SRP9: variants seen among roughly 807,000 people sequenced by gnomAD.
SRP9 encodes the protein signal recognition particle 9 kDa protein.
A neutral mutation model predicts 11.7 loss-of-function variants in SRP9; 2 were observed. That is an observed-to-expected ratio of 0.17 (90% CI 0.07 to 0.54). The LOEUF is 0.54. Ranked by LOEUF, SRP9 falls within the 20% of genes least tolerant of loss-of-function variation. The pLI, the probability that SRP9 is intolerant of heterozygous loss-of-function variation, is 0.94. For missense variants in SRP9, 54 were observed against 108.1 expected, an observed-to-expected ratio of 0.50 and a Z score of 2.22; for synonymous variants, 27 against 35.6, an observed-to-expected ratio of 0.76 and a Z score of 0.86.
chr1:225,778,058 T>G (rs769601740), intron 1 of SRP9, 46 bp downstream of exon 1: 16 of 1,605,496 alleles, frequency 1.0e-5, no homozygotes, highest in African/African-American at 1.3e-5. Flanking sequence ...GCCCAGGATG[T>G]CTTCCCGCCA....
chr1:225,786,759 A>AT (rs1473461213), intron 2 of SRP9: 8 of 1,192,438 alleles, frequency 6.7e-6, no homozygotes, highest in Non-Finnish European at 8.5e-6. Context: ...ATAGTAAAAA[A>AT]ATATATGAAA....
At chr1:225,786,756 A>G in intron 2 of SRP9, 1 of 1,192,436 alleles carries the variant, frequency 8.4e-7, no homozygotes. Flanking sequence ...GTGATAGTAA[A>G]AAAATATATG....
At chr1:225,786,173 A>G (rs1252946728) in intron 2 of SRP9, among the ~76,000 whole-genome samples, 1 of 151,992 alleles carries the variant, frequency 6.6e-6, no homozygotes, top group East Asian at 1.9e-4. Context: ...ATTGAATCCC[A>G]CCTCCACCCC....
intron 1 of SRP9, among the ~76,000 whole-genome samples, chr1:225,780,234 G>C (rs1665766839): frequency 6.8e-6 from 1 of 146,280 alleles, no homozygotes; most frequent in Admixed American, 7.0e-5. Flanking sequence ...TGTTGCCCAG[G>C]TTGGTCTTAA....
intron 1 of SRP9, among the ~76,000 whole-genome samples, chr1:225,781,063 A>G (rs933236473): frequency 2.0e-5 from 3 of 152,174 alleles, no homozygotes; most frequent in African/African-American, 7.2e-5. Flanking sequence ...CTCTAGTCTC[A>G]TGAAGCTACC....
At position 225,790,133 on chromosome 1, in the gene SRP9, G is replaced by A. The variant is rs564488154; in HGVS notation, c.*774G>A. 7.2e-5 allele frequency: 11 copies of A among 152,250 alleles called. No homozygotes were observed. In the South Asian group the frequency reaches 2.3e-3, roughly 32 times the overall value. The allele number at this position is 152,250 out of a possible 1,614,324, so 9.4% of individuals were successfully genotyped here. A position where few individuals can be genotyped will look rare whatever the true frequency, so the allele number is the denominator to read the frequency against. On this transcript the variant is annotated 3_prime_UTR_variant, in exon 3 of 3. Coordinates refer to ENST00000304786, the MANE Select transcript of SRP9 (RefSeq NM_003133.6). ...ATTTTCCATCTGTAGTTTCTCAGAAGGGCTATGGATTAGTTTGAACTGTCA... is the reference window on the plus strand; with the variant it reads ...ATTTTCCATCTGTAGTTTCTCAGAAAGGCTATGGATTAGTTTGAACTGTCA...
intron 1 of SRP9, among the ~76,000 whole-genome samples, chr1:225,778,988 A>C (rs191160044): frequency 6.6e-6 from 1 of 152,246 alleles, no homozygotes; most frequent in African/African-American, 2.4e-5. Flanking sequence ...GGAGACACAA[A>C]GGTGAATGAG....
intron 1 of SRP9, among the ~76,000 whole-genome samples, chr1:225,779,338 G>T (rs933954675): frequency 1.3e-5 from 2 of 152,050 alleles, no homozygotes; most frequent in East Asian, 3.9e-4. Context: ...TAGAGGCGGG[G>T]TTTCACCATC....
chr1:225,789,119 A>T, intron 2 of SRP9, 121 bp from the exon 3 acceptor site: 1 of 1,551,608 alleles, frequency 6.4e-7, no homozygotes, highest in South Asian at 1.2e-5. Flanking sequence ...TACGACCTCC[A>T]AGGAGAATAG....
intron 2 of SRP9, among the ~76,000 whole-genome samples, chr1:225,787,698 A>G (rs1348899518): frequency 6.6e-6 from 1 of 152,128 alleles, no homozygotes; most frequent in African/African-American, 2.4e-5. Context: ...TTCTAATCCC[A>G]TAATTGATTT....
At chr1:225,778,140 A>C (rs1665720703) in intron 1 of SRP9, 128 bp downstream of exon 1, 2 of 1,031,628 alleles carry the variant, frequency 1.9e-6, no homozygotes, top group East Asian at 5.2e-5. Context: ...GACCCTGCCA[A>C]GTTAATGTTC....
At chr1:225,784,551 T>C (rs1228598921) in intron 2 of SRP9, among the ~76,000 whole-genome samples, 13 of 151,584 alleles carry the variant, frequency 8.6e-5, no homozygotes, top group African/African-American at 3.1e-4. Flanking sequence ...ACCCGGCCTA[T>C]CATCTGTTCT....
At chr1:225,786,350 A>T (rs1665917207) in intron 2 of SRP9, among the ~76,000 whole-genome samples, 1 of 152,232 alleles carries the variant, frequency 6.6e-6, no homozygotes, top group Admixed American at 6.5e-5. Context: ...ATATTCTTAC[A>T]TGTCTTATTT....
At chr1:225,786,910 A>G (rs1665927988) in intron 2 of SRP9, 1 of 945,356 alleles carries the variant, frequency 1.1e-6, no homozygotes, top group African/African-American at 1.7e-5. Context: ...TGGCATGATC[A>G]TAGCTCACTG....
intron 2 of SRP9, chr1:225,786,904 A>G: frequency 3.9e-6 from 4 of 1,012,974 alleles, no homozygotes; most frequent in Middle Eastern, 3.7e-4. Context: ...GTGCAGTGGC[A>G]TGATCATAGC....
At position 225,780,566 on chromosome 1, in the gene SRP9, T is replaced by C. The variant is rs187837962; in HGVS notation, c.72+2554T>C. On this transcript the variant is annotated intron_variant, in intron 1 of 2. Coordinates refer to ENST00000304786, the MANE Select transcript of SRP9 (RefSeq NM_003133.6). ...GATTTATACATAATATATGAACAAT[T>C]ACAGCAACCCATCAAAGTATATAAA... is the stretch of plus-strand genomic sequence containing the variant. Among the ~76,000 whole-genome samples, 11 of 152,332 alleles carry C rather than the reference T, an allele frequency of 7.2e-5. No homozygotes were observed. The East Asian group carries it at 2.1e-3, about 29-fold the overall frequency.
At chr1:225,781,583 A>G (rs1208177058) in intron 1 of SRP9, among the ~76,000 whole-genome samples, 1 of 151,738 alleles carries the variant, frequency 6.6e-6, no homozygotes, top group Non-Finnish European at 1.5e-5. Context: ...TATTTTTAGT[A>G]GAGACGGGGT....
intron 1 of SRP9, 113 bp downstream of exon 1, chr1:225,778,125 A>G: frequency 8.7e-7 from 1 of 1,154,246 alleles, no homozygotes. Flanking sequence ...GAATGAACAC[A>G]AATGGACCCT....
chr1:225,783,225 CCTACCTGAAGA>C, intron 1 of SRP9, 64 bp from the exon 2 acceptor site: 1 of 1,168,062 alleles, frequency 8.6e-7, no homozygotes, highest in South Asian at 1.3e-5. Flanking sequence ...TCCTTTTCAG[CCTACCTGAAGA>C]CTAAATTATT....
Sources: allele counts gnomAD v4.1 joint callset (sites outside exome capture counted in the v4.1 genomes callset), GRCh38; gene constraint gnomAD v4.1.1; transcripts MANE v1.5; gene names NCBI Gene and HGNC (gene_info 2026-07-23, HGNC 2026-07-21).